Variants in FBXL4 observed in about 807,000 individuals in gnomAD.
FBXL4 encodes the protein F-box/LRR-repeat protein 4.
Under a neutral mutation model 58.9 loss-of-function variants are expected in FBXL4, and 40 were observed. The ratio of observed to expected loss-of-function variants is 0.68; its 90% CI spans 0.53 to 0.88. The LOEUF (loss-of-function observed/expected upper bound fraction) is 0.88, where lower values mean the gene tolerates loss of function less well. Ranked by LOEUF, FBXL4 falls within the 40% of genes least tolerant of loss-of-function variation. The pLI is 0.00. For synonymous variants in FBXL4, 263 were observed against 265.5 expected, an observed-to-expected ratio of 0.99 and a Z score of 0.09; for missense variants, 676 against 734.4, an observed-to-expected ratio of 0.92 and a Z score of 0.92.
rs59697294 is a variant in FBXL4 at position 98,943,579 on chromosome 6, CAAAAAAAAA to C, written c.-309+4218_-309+4226del. On this transcript the variant is annotated intron_variant, in intron 1 of 9. Transcript: ENST00000369244. ...TGGGTGACAGAGCAAGACTCTGTCTCAAAAAAAAAAAAAAAAAAAAAGAAGACAAACTTC... is the reference window on the plus strand; with the variant it reads ...TGGGTGACAGAGCAAGACTCTGTCTCAAAAAAAAAAAAGAAGACAAACTTC... Among the ~76,000 whole-genome samples the C allele has an allele frequency of 6.5e-5, 5 of 76,698 alleles. No homozygotes were observed. The South Asian group carries it at 2.2e-3, about 34-fold the overall frequency. 50.3% of individuals were successfully genotyped at this position (76,698 alleles called of 152,430 possible). A position where few individuals can be genotyped will look rare whatever the true frequency, so the allele number is the denominator to read the frequency against.
At position 98,945,241 on chromosome 6, in the gene FBXL4, T is replaced by C. The variant is rs191657118; in HGVS notation, c.-309+2565A>G. ...CCTTGCAGTTCTGTTTGTAATAAATTTGGAATAATGCCAACAGGGGACTGG... is the reference window on the plus strand; with the variant it reads ...CCTTGCAGTTCTGTTTGTAATAAATCTGGAATAATGCCAACAGGGGACTGG... On this transcript the variant is annotated intron_variant, in intron 1 of 9. Coordinates refer to ENST00000369244, the MANE Select transcript of FBXL4 (RefSeq NM_001278716.2). Among the ~76,000 whole-genome samples the C allele has an allele frequency of 1.6e-3, 251 of 152,234 alleles. 2 individuals carry two copies. Among genetic ancestry groups the C allele is most frequent in the African/African-American group, 5.5e-3 (230 of 41,538 alleles).
At chr6:98,886,490 G>GT (rs1484757057) in intron 7 of FBXL4, among the ~76,000 whole-genome samples, 1 of 152,056 alleles carries the variant, frequency 6.6e-6, no homozygotes, top group Admixed American at 6.5e-5. Context: ...TTTCCAATCA[G>GT]TTTTTTTCAC....
chr6:98,893,278 C>G (rs1771290756), intron 7 of FBXL4, among the ~76,000 whole-genome samples: 4 of 152,182 alleles, frequency 2.6e-5, no homozygotes, highest in Admixed American at 2.6e-4. Context: ...GTATCATAGA[C>G]TAGGTAGTTT....
chr6:98,927,316 A>T (rs1772830175), intron 3 of FBXL4, among the ~76,000 whole-genome samples: 1 of 152,234 alleles, frequency 6.6e-6, no homozygotes, highest in Non-Finnish European at 1.5e-5. Flanking sequence ...CAATCCAAAA[A>T]GCCGTATTTT....
In FBXL4 at chr6:98,926,962, T is replaced by C; in HGVS notation, c.27A>G (p.Thr9=). ...ATATATAATAAAACATGGTCAGAAC[T>C]GTTAACATGGGAAAGACCGGTGACA... MSPVFPML[T]VLTMFYYICL... Residue 9 remains threonine (T), a synonymous_variant, in exon 4 of 10, where the codon ACA becomes ACG. Coordinates refer to ENST00000369244, the MANE Select transcript of FBXL4 (RefSeq NM_001278716.2). The C allele has an allele frequency of 3.1e-6, 5 of 1,613,946 alleles. No homozygotes were observed. Among genetic ancestry groups the C allele is most frequent in the Non-Finnish European group, 4.2e-6 (5 of 1,179,898 alleles).
At chr6:98,937,646 G>C (rs1773271807) in intron 1 of FBXL4, among the ~76,000 whole-genome samples, 1 of 152,118 alleles carries the variant, frequency 6.6e-6, no homozygotes, top group Admixed American at 6.5e-5. Flanking sequence ...AAAGAGGCAG[G>C]AGAGGCAGGC....
chr6:98,912,457 A>G (rs1290253534), intron 5 of FBXL4, among the ~76,000 whole-genome samples: 2 of 152,352 alleles, frequency 1.3e-5, no homozygotes, highest in South Asian at 4.1e-4. Flanking sequence ...AGGGAAGCCC[A>G]TCAGACTAAC....
At chr6:98,880,322 T>C (rs1246025137) in intron 8 of FBXL4, among the ~76,000 whole-genome samples, 1 of 152,188 alleles carries the variant, frequency 6.6e-6, no homozygotes, top group Non-Finnish European at 1.5e-5. Flanking sequence ...CTATACTCTA[T>C]TCCACCACAC....
In FBXL4 at chr6:98,928,422, G is replaced by A. The variant is rs540889925; in HGVS notation, c.-190-600C>T. 2.6e-5 allele frequency among the ~76,000 whole-genome samples: 4 copies of A among 151,828 alleles called. No homozygotes were observed. The East Asian group carries it at 7.8e-4, about 29-fold the overall frequency. On this transcript the variant is annotated intron_variant, in intron 2 of 9. Coordinates refer to ENST00000369244, the MANE Select transcript of FBXL4 (RefSeq NM_001278716.2). ...CGGCTCACTGTAACCTCTGCCTCCT[G>A]GTTTCAAGCGATTCTCATGCCTCAT...
intron 2 of FBXL4, among the ~76,000 whole-genome samples, chr6:98,929,866 TG>T (rs929309006): frequency 3.9e-5 from 6 of 152,100 alleles, no homozygotes; most frequent in African/African-American, 1.4e-4. Flanking sequence ...ACTAAGGCAA[TG>T]GGGGGAAAGT....
At chr6:98,882,088 A>G (rs1486586462) in intron 7 of FBXL4, among the ~76,000 whole-genome samples, 1 of 152,148 alleles carries the variant, frequency 6.6e-6, no homozygotes, top group Non-Finnish European at 1.5e-5. Context: ...ATACATAGAG[A>G]TAAATACACA....
intron 5 of FBXL4, among the ~76,000 whole-genome samples, chr6:98,916,094 A>T (rs1772333941): frequency 6.6e-6 from 1 of 152,190 alleles, no homozygotes; most frequent in South Asian, 2.1e-4. Flanking sequence ...CATCAGAGAA[A>T]CGCAAATCAA....
At chr6:98,924,679 A>T (rs916638253) in intron 4 of FBXL4, among the ~76,000 whole-genome samples, 1 of 152,314 alleles carries the variant, frequency 6.6e-6, no homozygotes, top group Middle Eastern at 3.4e-3. Flanking sequence ...TTTGCAATGA[A>T]TTATTAGGTA....
chr6:98,938,267 A>C (rs1773297965), intron 1 of FBXL4, among the ~76,000 whole-genome samples: 1 of 152,136 alleles, frequency 6.6e-6, no homozygotes. Flanking sequence ...TCATCCATAG[A>C]GTTCACAGTT....
Position 98,899,354 on chromosome 6 carries a change from A to T in FBXL4, c.1231T>A (p.Cys411Ser). The T allele has an allele frequency of 6.2e-7, 1 of 1,614,012 alleles. No homozygotes were observed. The highest frequency in any genetic ancestry group is 2.2e-5 in the East Asian group (1 of 44,846). The stretch of plus-strand genomic sequence containing the variant: ...AAAGCTTGAGGTGGTAGCTTATCAC[A>T]GGAGGAGAGATTTAAGGCCTGTAGA... Reference protein sequence around the residue: ...PNLQALNLSSCDKLPPQAFNH... With the variant: ...PNLQALNLSSSDKLPPQAFNH... Residue 411 changes from cysteine (C) to serine (S), a missense_variant, in exon 7 of 10, where the codon TGT (cysteine) becomes AGT (serine). Coordinates refer to ENST00000369244, the MANE Select transcript of FBXL4 (RefSeq NM_001278716.2).
At position 98,930,612 on chromosome 6, in the gene FBXL4, A is replaced by G. The variant is rs1220746825; in HGVS notation, c.-190-2790T>C. Among the ~76,000 whole-genome samples, 3 of 152,136 alleles carry G rather than the reference A, an allele frequency of 2.0e-5. No homozygotes were observed. In the East Asian group the frequency reaches 5.8e-4, roughly 29 times the overall value. ...AACATTTCACCTACCACAAGTATAA[A>G]TTTGTCAAATTAAAAAATATATATA... On this transcript the variant is annotated intron_variant, in intron 2 of 9. Transcript: ENST00000369244.
chr6:98,905,341 CA>C (rs1270443035), intron 6 of FBXL4, 84 bp downstream of exon 6: 22 of 1,471,240 alleles, frequency 1.5e-5, no homozygotes, highest in Non-Finnish European at 2.0e-5. Flanking sequence ...TACATAATTT[CA>C]AACTTTTATT....
At chr6:98,916,790 C>T (rs370794065) in intron 5 of FBXL4, among the ~76,000 whole-genome samples, 767 of 146,740 alleles carry the variant, frequency 5.2e-3, no homozygotes, top group Non-Finnish European at 8.7e-3. Context: ...GCACATTGTG[C>T]ACATGTACCC....
chr6:98,875,154 T>C (rs1770610911), intron 9 of FBXL4: 1 of 447,248 alleles, frequency 2.2e-6, no homozygotes, highest in South Asian at 2.5e-5. Flanking sequence ...CTCTTACAAG[T>C]AGACCAAGAA....
Sources: gnomAD v4.1 joint callset for allele counts (sites outside exome capture counted in the v4.1 genomes callset) on GRCh38, gnomAD v4.1.1 for gene constraint, MANE v1.5 for transcripts, NCBI Gene and HGNC (gene_info 2026-07-23, HGNC 2026-07-21) for gene names.